Variants in ZBTB44 observed in about 807,000 individuals in gnomAD.
ZBTB44 encodes the protein zinc finger and BTB domain containing 44, also known as zinc finger and BTB domain-containing protein 44.
Under a neutral mutation model 54.0 loss-of-function variants are expected in ZBTB44, and 15 were observed. That is an observed-to-expected ratio of 0.28 (90% CI 0.19 to 0.43). The LOEUF is 0.43. ZBTB44 is among the 20% of genes least tolerant of loss of function. ZBTB44 has a pLI of 1.00. For synonymous variants in ZBTB44, 230 were observed against 250.1 expected (o/e 0.92, Z 0.76); for missense variants, 487 against 707.1 (o/e 0.69, Z 3.53).
intron 1 of ZBTB44, among the ~76,000 whole-genome samples, chr11:130,306,486 G>A (rs1278278956): frequency 6.6e-6 from 1 of 150,582 alleles, no homozygotes; most frequent in Admixed American, 6.6e-5. Context: ...TGGGCAACAA[G>A]AGCTAAACTC....
chr11:130,249,737 C>T (rs942309372), intron 2 of ZBTB44, among the ~76,000 whole-genome samples: 22 of 152,252 alleles, frequency 1.4e-4, no homozygotes, highest in Admixed American at 9.8e-4. Flanking sequence ...CCAGATACTA[C>T]GCTTTTCCCA....
At chr11:130,262,288 C>T (rs1202227651) in intron 1 of ZBTB44, among the ~76,000 whole-genome samples, 1 of 152,068 alleles carries the variant, frequency 6.6e-6, no homozygotes, top group South Asian at 2.1e-4. Flanking sequence ...TACAGGCACC[C>T]GCCCTCATGC....
At chr11:130,234,390 T>A in intron 5 of ZBTB44, 117 bp from the exon 6 acceptor site, 1 of 1,117,746 alleles carries the variant, frequency 8.9e-7, no homozygotes, top group South Asian at 2.1e-5. Context: ...TCACTAATTG[T>A]TCAGTGAAGA....
chr11:130,264,369 GTAAA>G (rs1939098803), intron 1 of ZBTB44, among the ~76,000 whole-genome samples: 1 of 152,152 alleles, frequency 6.6e-6, no homozygotes, highest in Non-Finnish European at 1.5e-5. Context: ...GAAAAAGGAG[GTAAA>G]CCACACCTAA....
At chr11:130,294,536 AC>A (rs1941511184) in intron 1 of ZBTB44, among the ~76,000 whole-genome samples, 1 of 118,382 alleles carries the variant, frequency 8.4e-6, no homozygotes, top group Non-Finnish European at 1.7e-5. Context: ...GGTCTATATG[AC>A]CAAAAAAAAA....
Position 130,304,039 on chromosome 11 carries a change from C to T in ZBTB44, c.-57+10336G>A, listed in dbSNP as rs1040998562. ...AAAATTAATTTAACACTCAATGTGG[C>T]CTTCAAGCATAATACAAATCTAATG... On this transcript the variant is annotated intron_variant, in intron 1 of 7. Transcript: ENST00000357899. Among the ~76,000 whole-genome samples, 3 of 152,084 alleles carry T rather than the reference C, an allele frequency of 2.0e-5. No homozygotes were observed. In the East Asian group the frequency reaches 5.8e-4, roughly 29 times the overall value.
chr11:130,291,095 T>C (rs1941277982), intron 1 of ZBTB44, among the ~76,000 whole-genome samples: 1 of 152,172 alleles, frequency 6.6e-6, no homozygotes, highest in Non-Finnish European at 1.5e-5. Context: ...TTCTACTTTA[T>C]TTTGTTTTCC....
chr11:130,255,898 C>CA (rs66874715), intron 2 of ZBTB44, among the ~76,000 whole-genome samples: 670 of 93,300 alleles, frequency 7.2e-3, no homozygotes, highest in East Asian at 0.071. Context: ...GGCAAAACCT[C>CA]AAAAAAAAAA....
chr11:130,301,840 G>C (rs1942003942), intron 1 of ZBTB44, among the ~76,000 whole-genome samples: 1 of 152,036 alleles, frequency 6.6e-6, no homozygotes, highest in South Asian at 2.1e-4. Context: ...CTTGAGCCCA[G>C]GAGTTTGAGA....
chr11:130,248,268 T>C (rs1937694125), intron 2 of ZBTB44, among the ~76,000 whole-genome samples: 3 of 151,978 alleles, frequency 2.0e-5, no homozygotes, highest in Admixed American at 1.3e-4. Context: ...TCTGTATGGC[T>C]TTGTTTTAGT....
At position 130,228,408 on chromosome 11, in the gene ZBTB44, T is replaced by C. The variant is rs1953760249; in HGVS notation, c.*3356A>G. The C allele has an allele frequency of 1.3e-5, 2 of 152,198 alleles. No individual in the cohort carries two copies. Among genetic ancestry groups the C allele is most frequent in the Admixed American group, 6.5e-5 (1 of 15,280 alleles). 9.4% of individuals were successfully genotyped at this position (152,198 alleles called of 1,614,324 possible). On this transcript the variant is annotated 3_prime_UTR_variant, in exon 8 of 8. Coordinates refer to ENST00000357899, the MANE Select transcript of ZBTB44 (RefSeq NM_001301098.2). ...TCAACAATTTAATGGACTACTCTCA[T>C]TATGAGAGACTTTACACAGCATCTG...
chr11:130,279,843 C>A (rs1283254611), intron 1 of ZBTB44, among the ~76,000 whole-genome samples: 1 of 152,178 alleles, frequency 6.6e-6, no homozygotes, highest in African/African-American at 2.4e-5. Flanking sequence ...TGAAATTCTA[C>A]ACATTATCTT....
At chr11:130,256,076 C>A (rs1297891179) in intron 2 of ZBTB44, among the ~76,000 whole-genome samples, 1 of 152,064 alleles carries the variant, frequency 6.6e-6, no homozygotes, top group Non-Finnish European at 1.5e-5. Flanking sequence ...AGGGACTCCT[C>A]CCTAACTCAT....
chr11:130,310,830 C>T (rs1395908328), intron 1 of ZBTB44, among the ~76,000 whole-genome samples: 1 of 152,058 alleles, frequency 6.6e-6, no homozygotes, highest in Non-Finnish European at 1.5e-5. Context: ...GCAACCTCCC[C>T]GGTTCAAGCA....
chr11:130,237,019 T>G lies in ZBTB44; in HGVS notation c.1342A>C (p.Lys448Gln). ...RAYSLKMHRL[K>Q]HEGKRCFRCQ... Reference sequence around the variant, plus strand: ...CGGAAACAGCGTTTACCTTCATGCTTTAGGCGATGCATCTTTAGCGAGTAA... The same window carrying G: ...CGGAAACAGCGTTTACCTTCATGCTGTAGGCGATGCATCTTTAGCGAGTAA... The change falls in exon 5 of 8, where the codon AAG becomes CAG. Residue 448 changes from lysine to glutamine, a missense_variant. Lys to Gln is a moderately conservative substitution (Grantham distance 53). Transcript: ENST00000357899. The G allele has an allele frequency of 6.2e-7, 1 of 1,611,354 alleles. No individual in the cohort carries two copies. Among genetic ancestry groups the G allele is most frequent in the Non-Finnish European group, 8.5e-7 (1 of 1,178,822 alleles).
chr11:130,293,686 C>T (rs1227713539), intron 1 of ZBTB44, among the ~76,000 whole-genome samples: 2 of 150,724 alleles, frequency 1.3e-5, no homozygotes, highest in African/African-American at 4.9e-5. Flanking sequence ...ATCTCAGCTA[C>T]TTGGGAGGTT....
At chr11:130,248,402 G>C (rs1937709628) in intron 2 of ZBTB44, among the ~76,000 whole-genome samples, 1 of 152,218 alleles carries the variant, frequency 6.6e-6, no homozygotes, top group South Asian at 2.1e-4. Flanking sequence ...AGCACTTTGG[G>C]AGGCTGAGGC....
At chr11:130,292,838 C>T (rs936890358) in intron 1 of ZBTB44, among the ~76,000 whole-genome samples, 2 of 152,114 alleles carry the variant, frequency 1.3e-5, no homozygotes, top group Non-Finnish European at 1.5e-5. Flanking sequence ...AAAATTACAA[C>T]TCACCCACCC....
chr11:130,268,175 C>G (rs1478690136), intron 1 of ZBTB44, among the ~76,000 whole-genome samples: 1 of 148,836 alleles, frequency 6.7e-6, no homozygotes, highest in African/African-American at 2.5e-5. Flanking sequence ...AGGAAGACTA[C>G]TTGAGCCCAG....
Sources: gnomAD v4.1 joint callset for allele counts (sites outside exome capture counted in the v4.1 genomes callset) on GRCh38, gnomAD v4.1.1 for gene constraint, MANE v1.5 for transcripts, NCBI Gene and HGNC (gene_info 2026-07-23, HGNC 2026-07-21) for gene names.